Variants in C11orf21 observed in about 807,000 individuals in gnomAD.
C11orf21 encodes chromosome 11 open reading frame 21, also known as uncharacterized protein C11orf21.
In C11orf21, 19 loss-of-function variants were observed where a neutral mutation model predicts 15.2. The ratio of observed to expected loss-of-function variants is 1.25; its 90% CI spans 0.87 to 1.84. The LOEUF is 1.84. Ranked by LOEUF, C11orf21 falls within the 40% of genes most tolerant of loss-of-function variation. The probability of loss-of-function intolerance (pLI) is 0.00; values close to 1 mark genes in which losing one functional copy is unlikely to be tolerated. For synonymous variants in C11orf21, 62 were observed against 66.8 expected (o/e 0.93, Z 0.35); for missense variants, 171 against 174.4 (o/e 0.98, Z 0.11).
upstream of C11orf21, chr11:2,301,931 G>A (rs1364744783): frequency 8.5e-6 from 13 of 1,523,494 alleles, no homozygotes; most frequent in South Asian, 2.4e-5. Flanking sequence ...GGGCACCAGG[G>A]TGAGGTGGTG....
upstream of C11orf21, chr11:2,302,986 C>T (rs776469547): frequency 2.0e-5 from 32 of 1,590,290 alleles, no homozygotes; most frequent in Middle Eastern, 1.7e-4. Flanking sequence ...CTGGCTGCAT[C>T]GGGAGGGGCC....
chr11:2,300,188 G>A (rs534079509), intron 2 of C11orf21, among the ~76,000 whole-genome samples: 22 of 68,196 alleles, frequency 3.2e-4, no homozygotes, highest in African/African-American at 1.3e-3. Context: ...GGTGTGTGAG[G>A]TTGGGCAGGG....
At chr11:2,298,842 C>A (rs1365432275) in intron 3 of C11orf21, among the ~76,000 whole-genome samples, 2 of 152,122 alleles carry the variant, frequency 1.3e-5, no homozygotes, top group Non-Finnish European at 2.9e-5. Context: ...GAAGGGGCAG[C>A]CATCCCTGGG....
Position 2,299,534 on chromosome 11 carries a change from C to T in C11orf21, c.321G>A (p.Trp107Ter), listed in dbSNP as rs1214019745. ...AGGGGCCTGCTTCTAAGTCCAAGTC[C>T]CATCCCAGCCGGATAGCCAGGGGCA... is the stretch of plus-strand genomic sequence containing the variant. ...GQLPLAIRLG[W>*]DLDLEAGPSS... The change falls in exon 3 of 4, where the codon TGG (tryptophan) becomes TGA (stop). Residue 107 changes from tryptophan to a stop codon, truncating the protein, a stop_gained. Transcript: ENST00000381153. LOFTEE classifies it high-confidence loss of function. The T allele has an allele frequency of 3.9e-6, 6 of 1,550,660 alleles. No individual in the cohort carries two copies. The highest frequency in any genetic ancestry group is 3.5e-6 in the Non-Finnish European group (4 of 1,146,972).
chr11:2,299,772 G>A (rs1400346590), intron 2 of C11orf21, 65 bp from the exon 3 acceptor site: 3 of 1,538,852 alleles, frequency 1.9e-6, no homozygotes, highest in Non-Finnish European at 2.6e-6. Flanking sequence ...ACAGGAAGGA[G>A]AGAGGAAAAA....
In C11orf21 at chr11:2,301,832, C is replaced by G; in HGVS notation, c.-24G>C. On this transcript the variant is annotated 5_prime_UTR_variant, in exon 1 of 4. Coordinates refer to ENST00000381153, the MANE Select transcript of C11orf21 (RefSeq NM_001329958.2). ...ATGACTTTCCCCCTCTCAGCGCCGT[C>G]CTCAGTGGCCACACCAAGAACGAGG... 1 of 1,550,802 alleles carries G rather than the reference C, an allele frequency of 6.4e-7. No individual in the cohort carries two copies. The highest frequency in any genetic ancestry group is 8.7e-7 in the Non-Finnish European group (1 of 1,146,960).
At chr11:2,298,761 A>G (rs1010075372) in intron 3 of C11orf21, among the ~76,000 whole-genome samples, 2 of 152,104 alleles carry the variant, frequency 1.3e-5, no homozygotes, top group African/African-American at 4.8e-5. Context: ...CCTCCCCTAC[A>G]GTCTGTCCCT....
chr11:2,302,768 C>A, upstream of C11orf21: 1 of 1,260,598 alleles, frequency 7.9e-7, no homozygotes, highest in South Asian at 1.3e-5. Flanking sequence ...AGAGCCCCAA[C>A]CCTGCCCGCT....
In C11orf21 at chr11:2,297,165, G is replaced by A. The variant is rs1796894835; in HGVS notation, c.*785C>T. ...CCCGAGACCCCTCACTGGGGACACAGGGGGGCCCTGCAGCCAGGGTGTCAG... is the reference window on the plus strand; with the variant it reads ...CCCGAGACCCCTCACTGGGGACACAAGGGGGCCCTGCAGCCAGGGTGTCAG... On this transcript the variant is annotated 3_prime_UTR_variant, in exon 4 of 4. Transcript: ENST00000381153. The A allele has an allele frequency of 6.6e-6, 1 of 152,396 alleles. No individual in the cohort carries two copies. The highest frequency in any genetic ancestry group is 2.4e-5 in the African/African-American group (1 of 41,456). The allele number at this position is 152,396 out of a possible 1,614,324, so 9.4% of individuals were successfully genotyped here.
At chr11:2,300,853 T>G in intron 1 of C11orf21, 1 of 1,298,868 alleles carries the variant, frequency 7.7e-7, no homozygotes, top group Non-Finnish European at 1.1e-6. Context: ...GGGGGCCTCC[T>G]GCCCCTAGAC....
chr11:2,297,102 A>G lies in C11orf21; in HGVS notation c.*848T>C, dbSNP rs1847542356. On this transcript the variant is annotated 3_prime_UTR_variant, in exon 4 of 4. Transcript: ENST00000381153. ...GCTGGCAACTGGTCACCCAGAGAGC[A>G]TGGGCTGCAGGGATGGCCCTGAGTA... 1 of 152,344 alleles carries G rather than the reference A, an allele frequency of 6.6e-6. No homozygotes were observed. The highest frequency in any genetic ancestry group is 6.5e-5 in the Admixed American group (1 of 15,284). The allele number at this position is 152,344 out of a possible 1,614,324, so 9.4% of individuals were successfully genotyped here. A position where few individuals can be genotyped will look rare whatever the true frequency, so the allele number is the denominator to read the frequency against.
At chr11:2,302,912 C>T, upstream of C11orf21, 1 of 1,613,730 alleles carries the variant, frequency 6.2e-7, no homozygotes, top group Non-Finnish European at 8.5e-7. Context: ...CTGTCATCCG[C>T]CGAGCGTCCC....
upstream of C11orf21, chr11:2,301,994 C>T: frequency 6.7e-7 from 1 of 1,496,830 alleles, no homozygotes; most frequent in Admixed American, 2.2e-5. Flanking sequence ...TCTTCCGGGG[C>T]ACCCAGCAGC....
chr11:2,300,645 C>T (rs1847695374), intron 1 of C11orf21, 32 bp from the exon 2 acceptor site: 2 of 1,550,652 alleles, frequency 1.3e-6, no homozygotes, highest in African/African-American at 2.7e-5. Flanking sequence ...CAGGACAGGT[C>T]AAGAACCCAG....
At chr11:2,302,263 G>A (rs944828439), upstream of C11orf21, 1 of 1,360,146 alleles carries the variant, frequency 7.4e-7, no homozygotes, top group African/African-American at 1.5e-5. Context: ...GGGTGAGCAG[G>A]GGTGAGGGGT....
Position 2,296,324 on chromosome 11 carries a change from T to A in C11orf21, c.*1626A>T, listed in dbSNP as rs1847524860. On this transcript the variant is annotated 3_prime_UTR_variant, in exon 4 of 4. Coordinates refer to ENST00000381153, the MANE Select transcript of C11orf21 (RefSeq NM_001329958.2). This position sits in a 1 kb window ranked among gnomAD's most constrained non-coding sequence, Gnocchi z 5.6. ...TCTGCTGGCTGCCACATACGTCTGT[T>A]TACTCACCCATCTGAGGCTAGGGAA... 6.6e-6 allele frequency: 1 copy of A among 152,134 alleles called. No homozygotes were observed. Among genetic ancestry groups the A allele is most frequent in the Non-Finnish European group, 1.5e-5 (1 of 68,038 alleles). 9.4% of individuals were successfully genotyped at this position (152,134 alleles called of 1,614,324 possible).
chr11:2,299,370 C>T lies in C11orf21; in HGVS notation c.*28+58G>A, dbSNP rs746454762. 446 of 1,489,806 alleles carry T rather than the reference C, an allele frequency of 3.0e-4. 1 individual carries two copies. The highest frequency in any genetic ancestry group is 3.7e-4 in the Non-Finnish European group (408 of 1,117,308). 92.3% of individuals were successfully genotyped at this position (1,489,806 alleles called of 1,614,324 possible). On this transcript the variant is annotated intron_variant, in intron 3 of 3. Coordinates refer to ENST00000381153, the MANE Select transcript of C11orf21 (RefSeq NM_001329958.2). ...TGAGTGCCTCCCCGGTGGGAGGGGC[C>T]GCGCTCACAGACAGCACAGGGGCCC...
intron 3 of C11orf21, 87 bp downstream of exon 3, chr11:2,299,341 C>T (rs1392978625): frequency 2.3e-5 from 32 of 1,393,304 alleles, no homozygotes; most frequent in Middle Eastern, 2.4e-4. Context: ...AGGTGGGAAG[C>T]TCTTGAGTGC....
rs768385775 is a variant in C11orf21, at chr11:2,299,632, C to T, written c.223G>A (p.Ala75Thr). The T allele has an allele frequency of 2.9e-5, 45 of 1,550,976 alleles. No homozygotes were observed. The highest frequency in any genetic ancestry group is 3.9e-5 in the Admixed American group (2 of 50,952). ...AHGALVPPAT[A>T]HEPVDHPALH... ...GCTGGGTGATCCACAGGTTCATGAG[C>T]GGTGGCAGGTGGAACAAGGGCACCA... Residue 75 changes from alanine to threonine, a missense_variant, in exon 3 of 4, where the codon GCT (alanine) becomes ACT (threonine). Ala to Thr is a moderately conservative substitution (Grantham distance 58, BLOSUM62 0). Transcript: ENST00000381153.
Sources: allele counts gnomAD v4.1 joint callset (sites outside exome capture counted in the v4.1 genomes callset), GRCh38; gene constraint gnomAD v4.1.1; non-coding constraint Gnocchi (gnomAD v3.1); transcripts MANE v1.5; gene names NCBI Gene and HGNC (gene_info 2026-07-23, HGNC 2026-07-21).